DNAAF6: variants seen among roughly 807,000 people sequenced by gnomAD.
DNAAF6 encodes dynein axonemal assembly factor 6.
A neutral mutation model predicts 13.7 loss-of-function variants in DNAAF6; 3 were observed. The observed-to-expected ratio is 0.22, with a 90% CI of 0.10 to 0.56. The LOEUF is 0.56. DNAAF6 is among the 20% of genes least tolerant of loss of function. The pLI, the probability that DNAAF6 is intolerant of heterozygous loss-of-function variation, is 0.92. For synonymous variants in DNAAF6, 54 were observed against 49.2 expected, an observed-to-expected ratio of 1.10 and a Z score of -0.41; for missense variants, 130 against 151.0, an observed-to-expected ratio of 0.86 and a Z score of 0.73.
intron 5 of DNAAF6, among the ~76,000 whole-genome samples, chrX:107,229,992 TA>T (rs1222783676): frequency 4.6e-4 from 52 of 111,868 alleles, no homozygotes; most frequent in Admixed American, 5.7e-4. Context: ...CGGCCTCATA[TA>T]ACTATTTACT....
chrX:107,222,078 A>G (rs1257114018), intron 4 of DNAAF6, among the ~76,000 whole-genome samples: 1 of 110,874 alleles, frequency 9.0e-6, no homozygotes, highest in Non-Finnish European at 1.9e-5. Context: ...GTGGGGTGAA[A>G]TATCAGGAAA....
At chrX:107,235,406 G>C (rs1473113063) in intron 5 of DNAAF6, among the ~76,000 whole-genome samples, 5 of 111,185 alleles carry the variant, frequency 4.5e-5, no homozygotes, top group Non-Finnish European at 9.4e-5. Context: ...TAACTAATAA[G>C]ATTTTTTTTA....
intron 1 of DNAAF6, among the ~76,000 whole-genome samples, chrX:107,208,451 A>T (rs181721982): frequency 9.1e-6 from 1 of 110,048 alleles, no homozygotes; most frequent in African/African-American, 3.3e-5. Context: ...AAACAAAAAA[A>T]CCCCTCCATT....
intron 4 of DNAAF6, among the ~76,000 whole-genome samples, chrX:107,221,064 C>T (rs992865501): frequency 9.3e-6 from 1 of 107,713 alleles, no homozygotes; most frequent in African/African-American, 3.4e-5. Flanking sequence ...CTCTGCCTTC[C>T]GGGTTCAAGC....
At chrX:107,219,058 T>A in intron 4 of DNAAF6, 89 bp downstream of exon 4, 1 of 998,283 alleles carries the variant, frequency 1.0e-6, no homozygotes, top group Admixed American at 5.2e-5. Flanking sequence ...ATTCATAAAG[T>A]AACATACCAC....
intron 2 of DNAAF6, among the ~76,000 whole-genome samples, chrX:107,216,240 G>A (rs1376547130): frequency 1.8e-5 from 2 of 111,740 alleles, no homozygotes; most frequent in Admixed American, 1.9e-4. Context: ...TCTGCTTAGT[G>A]TTAGTTTTTA....
intron 5 of DNAAF6, among the ~76,000 whole-genome samples, chrX:107,226,704 G>A (rs1292733218): frequency 1.8e-5 from 2 of 111,998 alleles, no homozygotes; most frequent in Non-Finnish European, 3.8e-5. Flanking sequence ...GCAGCTTGCA[G>A]ATAGCTTGAT....
intron 6 of DNAAF6, among the ~76,000 whole-genome samples, chrX:107,239,919 T>C (rs1013399648): frequency 2.7e-5 from 3 of 112,016 alleles, no homozygotes; most frequent in African/African-American, 9.7e-5. Context: ...TACACGAATT[T>C]ACTCTTCCAC....
intron 5 of DNAAF6, among the ~76,000 whole-genome samples, chrX:107,225,732 T>G (rs1293357787): frequency 9.0e-6 from 1 of 111,474 alleles, no homozygotes; most frequent in Non-Finnish European, 1.9e-5. Context: ...GAATCCTAAA[T>G]CAAAGCAACG....
chrX:107,234,478 A>G (rs1406089754), intron 5 of DNAAF6, among the ~76,000 whole-genome samples: 1 of 112,297 alleles, frequency 8.9e-6, no homozygotes, highest in Admixed American at 9.5e-5. Context: ...GAAGCAATTC[A>G]GAATGAAATC....
In DNAAF6 at chrX:107,216,715, T is replaced by G. The variant is rs760885373; in HGVS notation, c.198T>G (p.Ile66Met). ...STIGAMGPGN[I>M]GPPQIEELKV... ...TTGGAGCCATGGGTCCTGGGAATAT[T>G]GGACCACCCCAAATAGAAGAGCTCA... The change falls in exon 3 of 7, where the codon ATT becomes ATG. Residue 66 changes from isoleucine to methionine, a missense_variant. Physicochemically the swap from Ile to Met is conservative, Grantham distance 10. Transcript: ENST00000372453. 8.3e-7 allele frequency: 1 copy of G among 1,199,094 alleles called. No homozygotes were observed. Among genetic ancestry groups the G allele is most frequent in the Non-Finnish European group, 1.1e-6 (1 of 887,430 alleles).
At chrX:107,235,807 T>C (rs1011925374) in intron 5 of DNAAF6, among the ~76,000 whole-genome samples, 2 of 110,946 alleles carry the variant, frequency 1.8e-5, no homozygotes, top group African/African-American at 6.6e-5. Flanking sequence ...TAATTTGTTA[T>C]GCAATAATAG....
chrX:107,230,320 C>T (rs1171553038), intron 5 of DNAAF6, among the ~76,000 whole-genome samples: 2 of 111,856 alleles, frequency 1.8e-5, no homozygotes, highest in African/African-American at 6.5e-5. Flanking sequence ...TCTCTAATGA[C>T]ATTATCTCCC....
At chrX:107,229,402 AG>A (rs765336930) in intron 5 of DNAAF6, among the ~76,000 whole-genome samples, 13 of 108,812 alleles carry the variant, frequency 1.2e-4, no homozygotes, top group African/African-American at 3.7e-4. Flanking sequence ...CTGAGATTAC[AG>A]GCATGAGCCA....
At chrX:107,211,337 AT>A (rs2147825768) in intron 1 of DNAAF6, among the ~76,000 whole-genome samples, 1 of 112,121 alleles carries the variant, frequency 8.9e-6, no homozygotes, top group African/African-American at 3.2e-5. Context: ...TGATTTATTT[AT>A]TTTTGTTGTC....
chrX:107,206,824 G>A, intron 1 of DNAAF6, 134 bp downstream of exon 1: 1 of 111,258 alleles, frequency 9.0e-6, no homozygotes, highest in Non-Finnish European at 1.9e-5. Context: ...GGGCAAGGTG[G>A]AGAAGACCCG....
chrX:107,228,726 C>T (rs1602686091), intron 5 of DNAAF6, among the ~76,000 whole-genome samples: 1 of 111,024 alleles, frequency 9.0e-6, no homozygotes, highest in Non-Finnish European at 1.9e-5. Flanking sequence ...AGCGATCCTC[C>T]CACTTCAGCC....
intron 6 of DNAAF6, 34 bp downstream of exon 6, chrX:107,239,041 T>C (rs1277103692): frequency 8.5e-7 from 1 of 1,170,250 alleles, no homozygotes; most frequent in Non-Finnish European, 1.1e-6. Flanking sequence ...TAGTGTATTA[T>C]AATATTAAAG....
chrX:107,240,030 C>T (rs1191616285), intron 6 of DNAAF6, among the ~76,000 whole-genome samples: 2 of 111,962 alleles, frequency 1.8e-5, no homozygotes, highest in Non-Finnish European at 1.9e-5. Flanking sequence ...GGTTAATTTC[C>T]GTTTCCCTAG....
Sources: allele counts gnomAD v4.1 joint callset (sites outside exome capture counted in the v4.1 genomes callset), GRCh38; gene constraint gnomAD v4.1.1; transcripts MANE v1.5; gene names NCBI Gene and HGNC (gene_info 2026-07-23, HGNC 2026-07-21).